The following CCDC92 variants were observed in gnomAD, a reference collection of about 807,000 sequenced individuals.
CCDC92 encodes coiled-coil domain-containing protein 92.
CCDC92 carries 12 observed loss-of-function variants against 24.9 expected under a neutral mutation model. The observed-to-expected ratio is 0.48, with a 90% confidence interval of 0.31 to 0.78. CCDC92 has a LOEUF of 0.78. Among genes scored for constraint, CCDC92 ranks in the 30% least tolerant of loss-of-function variants. CCDC92 has a pLI of 0.05. For synonymous variants in CCDC92, 193 were observed against 196.3 expected (o/e 0.98, Z 0.14); for missense variants, 399 against 439.4 (o/e 0.91, Z 0.82).
chr12:123,968,041 A>G (rs1016349581), intron 1 of CCDC92: 3 of 152,218 alleles, frequency 2.0e-5, no homozygotes, highest in African/African-American at 7.2e-5. Flanking sequence ...CTCATATTCC[A>G]TTTATTAAAA....
intron 4 of CCDC92, among the ~76,000 whole-genome samples, chr12:123,941,937 TTGAG>T (rs1482421574): frequency 9.9e-5 from 15 of 152,268 alleles, no homozygotes; most frequent in Non-Finnish European, 1.2e-4. Flanking sequence ...TCTCCTTTGT[TTGAG>T]TGTGCTCTCG....
intron 1 of CCDC92, among the ~76,000 whole-genome samples, chr12:123,949,234 T>C (rs1470663727): frequency 6.6e-6 from 1 of 152,258 alleles, no homozygotes; most frequent in South Asian, 2.1e-4. Flanking sequence ...TCCAGCCCGT[T>C]TGGCAAAACG....
rs189496633 is a variant in CCDC92, at chr12:123,962,683, A to G, written c.-60+9846T>C. 6.1e-3 allele frequency: 939 copies of G among 153,804 alleles called. 3 individuals carry two copies. The highest frequency in any genetic ancestry group is 0.014 in the South Asian group (67 of 4,832). The allele number at this position is 153,804 out of a possible 1,614,324, so 9.5% of individuals were successfully genotyped here. A position where few individuals can be genotyped will look rare whatever the true frequency, so the allele number is the denominator to read the frequency against. ...GGAAGGTGGCGACTCTGTGTGAGAC[A>G]TAACATAATCTGGCAGTGGCAACAG... On this transcript the variant is annotated intron_variant, in intron 1 of 4. Transcript: ENST00000238156.
At chr12:123,963,775 G>C (rs751613335) in intron 1 of CCDC92, among the ~76,000 whole-genome samples, 1 of 152,196 alleles carries the variant, frequency 6.6e-6, no homozygotes, top group East Asian at 1.9e-4. Context: ...AGCTGAGCTA[G>C]GTGTGCAGTT....
At chr12:123,947,688 C>A (rs1351540602) in intron 1 of CCDC92, among the ~76,000 whole-genome samples, 2 of 152,124 alleles carry the variant, frequency 1.3e-5, no homozygotes, top group East Asian at 3.9e-4. Flanking sequence ...ATTGTAAACA[C>A]ACCAATCAGC....
rs1955488031 is a variant in CCDC92, at chr12:123,936,227, G to C, written c.*831C>G. On this transcript the variant is annotated 3_prime_UTR_variant, in exon 5 of 5. Transcript: ENST00000238156. ...GCTAGCACGGGCAGCACAGTGGGCA[G>C]GGGCCATCAGAGGCAAAAGCAGCTT... 6.6e-6 allele frequency: 1 copy of C among 152,508 alleles called. No individual in the cohort carries two copies. The highest frequency in any genetic ancestry group is 1.5e-5 in the Non-Finnish European group (1 of 68,272). The allele number at this position is 152,508 out of a possible 1,614,324, so 9.4% of individuals were successfully genotyped here. A position where few individuals can be genotyped will look rare whatever the true frequency, so the allele number is the denominator to read the frequency against.
rs1325434412 is a variant in CCDC92, at chr12:123,937,214, G to A, written c.840C>T (p.Ala280=). 6.2e-7 allele frequency: 1 copy of A among 1,609,742 alleles called. No homozygotes were observed. Among genetic ancestry groups the A allele is most frequent in the Non-Finnish European group, 8.5e-7 (1 of 1,179,466 alleles). Residue 280 remains alanine, a synonymous_variant, in exon 5 of 5, where the codon GCC becomes GCT. Coordinates refer to ENST00000238156, the MANE Select transcript of CCDC92 (RefSeq NM_025140.3). The surrounding 1 kb of genome is among the most constrained non-coding windows in gnomAD (Gnocchi z 8.4). The part of the protein sequence containing the change: ...SDRSGEQHSP[A]REKPHKAHVG... ...CGTGGGCCTTGTGCGGCTTTTCGCG[G>A]GCCGGGCTGTGCTGCTCGCCGCTTC...
intron 1 of CCDC92, among the ~76,000 whole-genome samples, chr12:123,953,455 T>C (rs144817820): frequency 2.6e-5 from 4 of 152,344 alleles, no homozygotes; most frequent in African/African-American, 9.6e-5. Flanking sequence ...ATTTTTGATA[T>C]GTGTAGAAGG....
At position 123,958,955 on chromosome 12, in the gene CCDC92, T is replaced by C. The variant is rs904900582; in HGVS notation, c.-60+13574A>G. ...ATGACAAGATTTTCTGAAGAGGTAA[T>C]GTTCTCTCCCTCGGTTGCACTCTGG... On this transcript the variant is annotated intron_variant, in intron 1 of 4. Coordinates refer to ENST00000238156, the MANE Select transcript of CCDC92 (RefSeq NM_025140.3). Among the ~76,000 whole-genome samples the C allele has an allele frequency of 1.3e-5, 2 of 152,312 alleles. 1 individual carries two copies. The highest frequency in any genetic ancestry group is 1.3e-4 in the Admixed American group (2 of 15,304).
chr12:123,947,682 T>C (rs1955913013), intron 1 of CCDC92, among the ~76,000 whole-genome samples: 1 of 152,062 alleles, frequency 6.6e-6, no homozygotes, highest in Non-Finnish European at 1.5e-5. Flanking sequence ...TCAGGGATTG[T>C]AAACACACCA....
intron 1 of CCDC92, chr12:123,945,595 G>T (rs1955823294): frequency 1.3e-5 from 2 of 152,232 alleles, no homozygotes; most frequent in Admixed American, 1.3e-4. Flanking sequence ...CAGCGTCAAA[G>T]GAAGGAAAAT....
At chr12:123,966,405 A>G (rs1347589614) in intron 1 of CCDC92, 1 of 152,216 alleles carries the variant, frequency 6.6e-6, no homozygotes. Context: ...TACATCCCCA[A>G]TGGTAGGACA....
rs1385273067 is a variant in CCDC92 at position 123,972,739 on chromosome 12, A to G, written c.-270T>C. The G allele has an allele frequency of 6.8e-6, 1 of 146,048 alleles. No homozygotes were observed. The highest frequency in any genetic ancestry group is 1.5e-5 in the Non-Finnish European group (1 of 65,928). The allele number at this position is 146,048 out of a possible 1,614,324, so 9.0% of individuals were successfully genotyped here. On this transcript the variant is annotated 5_prime_UTR_variant, in exon 1 of 5. Transcript: ENST00000238156. ...TCTCGCCCGCTCCCACCCCAGCGCT[A>G]GCCGCGGTGCACCCTGGGAGCGGGG...
chr12:123,959,493 C>G (rs2138121717), intron 1 of CCDC92, among the ~76,000 whole-genome samples: 1 of 152,232 alleles, frequency 6.6e-6, no homozygotes, highest in East Asian at 1.9e-4. Context: ...TTAGTAGAGA[C>G]AAGGTTTCAC....
chr12:123,971,547 T>C (rs921544762), intron 1 of CCDC92: 1 of 152,246 alleles, frequency 6.6e-6, no homozygotes, highest in Non-Finnish European at 1.5e-5. Context: ...CTGCGTAATA[T>C]GTTAAAGTAT....
rs12422577 is a variant in CCDC92, at chr12:123,939,234, C to T, written c.224-1404G>A. On this transcript the variant is annotated intron_variant, in intron 4 of 4. Coordinates refer to ENST00000238156, the MANE Select transcript of CCDC92 (RefSeq NM_025140.3). ...ACCCAGGGCCTGCCTAGGCACTGGACGCCACTGGACGTCTTTCCCGGGCTT... is the reference window on the plus strand; with the variant it reads ...ACCCAGGGCCTGCCTAGGCACTGGATGCCACTGGACGTCTTTCCCGGGCTT... Among the ~76,000 whole-genome samples, 725 of 152,310 alleles carry T rather than the reference C, an allele frequency of 4.8e-3. 23 individuals carry two copies. The highest frequency in any genetic ancestry group is 0.042 in the Admixed American group (640 of 15,308).
rs760674981 is a variant in CCDC92, at chr12:123,937,381, C to G, written c.673G>C (p.Gly225Arg). Residue 225 changes from glycine to arginine, a missense_variant, in exon 5 of 5, where the codon GGG becomes CGG. By Grantham distance (125) the Gly-to-Arg change is moderately radical. Coordinates refer to ENST00000238156, the MANE Select transcript of CCDC92 (RefSeq NM_025140.3). This position sits in a 1 kb window ranked among gnomAD's most constrained non-coding sequence, Gnocchi z 8.4. ...AAAAGGAGTTTCCTGCTCTCTGCCC[C>G]GAATCTGTAGACCTCTTCAAATTCC... ...HPEFEEVYRFGAESRKLLLRE... is the reference protein window; with the variant it reads ...HPEFEEVYRFRAESRKLLLRE... 1 of 1,614,000 alleles carries G rather than the reference C, an allele frequency of 6.2e-7. No individual in the cohort carries two copies. The highest frequency in any genetic ancestry group is 2.2e-5 in the East Asian group (1 of 44,866).
chr12:123,962,143 A>G (rs747383146), intron 1 of CCDC92, among the ~76,000 whole-genome samples: 15 of 152,030 alleles, frequency 9.9e-5, no homozygotes, highest in Non-Finnish European at 1.9e-4. Flanking sequence ...CTTATTCTTG[A>G]TGCTGCTGCT....
At chr12:123,958,211 G>A (rs925081930) in intron 1 of CCDC92, among the ~76,000 whole-genome samples, 1 of 152,006 alleles carries the variant, frequency 6.6e-6, no homozygotes, top group Non-Finnish European at 1.5e-5. Flanking sequence ...GCAATACCAT[G>A]CCCGGCTAAT....
Sources: allele counts gnomAD v4.1 joint callset (sites outside exome capture counted in the v4.1 genomes callset), GRCh38; gene constraint gnomAD v4.1.1; non-coding constraint Gnocchi (gnomAD v3.1); transcripts MANE v1.5; gene names NCBI Gene and HGNC (gene_info 2026-07-23, HGNC 2026-07-21).